BLTP1: variants seen among roughly 807,000 people sequenced by gnomAD.
The protein encoded by BLTP1 is bridge-like lipid transfer protein family member 1, also known as fragile site-associated protein.
At chr4:122,213,448 A>ATTC in the BLTP1 span, among the ~76,000 whole-genome samples, 483 of 152,162 alleles carry the variant, frequency 3.2e-3, 3 homozygotes, top group Non-Finnish European at 4.1e-3. Context: ...ATATATTCAA[A>ATTC]TTCATATATG....
the BLTP1 span, among the ~76,000 whole-genome samples, chr4:122,315,087 G>A: frequency 1.4e-4 from 22 of 152,034 alleles, no homozygotes; most frequent in Non-Finnish European, 2.9e-4. Flanking sequence ...ATTAGAGAAC[G>A]ACCAACCTTT....
the BLTP1 span, among the ~76,000 whole-genome samples, chr4:122,297,670 A>G: frequency 2.7e-3 from 406 of 152,368 alleles, 4 homozygotes; most frequent in Non-Finnish European, 3.4e-3. Context: ...ATGCCCATCA[A>G]TGATAGACTG....
chr4:122,232,885 C>T, the BLTP1 span, among the ~76,000 whole-genome samples: 1 of 152,140 alleles, frequency 6.6e-6, no homozygotes, highest in Non-Finnish European at 1.5e-5. Context: ...TTGCCTCTCC[C>T]CACATGGTAA....
chr4:122,272,665 G>A, the BLTP1 span, among the ~76,000 whole-genome samples: 1 of 151,916 alleles, frequency 6.6e-6, no homozygotes, highest in Non-Finnish European at 1.5e-5. Context: ...TTTATTCTTT[G>A]TCTTTTAATA....
At chr4:122,206,775 G>T in the BLTP1 span, among the ~76,000 whole-genome samples, 3 of 151,816 alleles carry the variant, frequency 2.0e-5, no homozygotes, top group East Asian at 5.8e-4. Context: ...GTCAGTCTGT[G>T]TAGAAAAATA....
the BLTP1 span, among the ~76,000 whole-genome samples, chr4:122,183,663 A>C: frequency 5.3e-5 from 8 of 152,174 alleles, no homozygotes; most frequent in African/African-American, 1.9e-4. Flanking sequence ...TTTCTTTCTT[A>C]ATCAGCAAAA....
the BLTP1 span, among the ~76,000 whole-genome samples, chr4:122,221,594 C>T: frequency 6.6e-6 from 1 of 151,758 alleles, no homozygotes; most frequent in East Asian, 1.9e-4. Context: ...TTCATGTAAC[C>T]ACCAAAATGA....
the BLTP1 span, chr4:122,207,410 T>C: frequency 7.0e-7 from 1 of 1,435,516 alleles, no homozygotes; most frequent in Non-Finnish European, 9.2e-7. Flanking sequence ...GAAGACTGTT[T>C]CAGAGTTTGT....
chr4:122,194,649 A>G, the BLTP1 span: 11 of 969,364 alleles, frequency 1.1e-5, no homozygotes, highest in Non-Finnish European at 1.3e-5. Flanking sequence ...ATGCTTTAAC[A>G]TAGGGCCATG....
At chr4:122,255,247 C>G in the BLTP1 span, 1 of 1,610,854 alleles carries the variant, frequency 6.2e-7, no homozygotes, top group South Asian at 1.1e-5. Context: ...ACTATCTGCA[C>G]CAGGCAAATT....
chr4:122,237,408 C>T, the BLTP1 span: 3 of 951,152 alleles, frequency 3.2e-6, no homozygotes, highest in African/African-American at 1.8e-5. Flanking sequence ...GTATTGAGTG[C>T]CTTCTGTGTA....
the BLTP1 span, chr4:122,199,369 T>C: frequency 1.2e-6 from 2 of 1,612,830 alleles, no homozygotes; most frequent in Admixed American, 1.7e-5. Flanking sequence ...GTTACACTCC[T>C]GCTATTAAGG....
the BLTP1 span, among the ~76,000 whole-genome samples, chr4:122,284,376 C>G: frequency 0.064 from 9,778 of 152,122 alleles, 887 homozygotes; most frequent in African/African-American, 0.2. Flanking sequence ...GATGTCTGCT[C>G]TAGGTTTCTG....
chr4:122,310,302 T>C, the BLTP1 span, among the ~76,000 whole-genome samples: 2 of 152,240 alleles, frequency 1.3e-5, no homozygotes, highest in South Asian at 4.1e-4. Context: ...TTTTAATGTG[T>C]AGGGAAGGAA....
the BLTP1 span, among the ~76,000 whole-genome samples, chr4:122,284,900 AATAAAGGGAGATTAC>A: frequency 5.4e-4 from 83 of 152,322 alleles, no homozygotes; most frequent in African/African-American, 1.9e-3. Context: ...ATCTTCCCCA[AATAAAGGGAGATTAC>A]TGTATATGTG....
At chr4:122,280,680 A>AAAAAAAC in the BLTP1 span, among the ~76,000 whole-genome samples, 1 of 151,614 alleles carries the variant, frequency 6.6e-6, no homozygotes, top group African/African-American at 2.4e-5. Context: ...AAAAAAAAAA[A>AAAAAAAC]AACAACCATG....
At chr4:122,177,586 A>G in the BLTP1 span, among the ~76,000 whole-genome samples, 4 of 152,266 alleles carry the variant, frequency 2.6e-5, no homozygotes, top group South Asian at 4.1e-4. Flanking sequence ...TTATATCCCT[A>G]TAAATATTCT....
chr4:122,349,298 A>G, the BLTP1 span: 1 of 1,612,978 alleles, frequency 6.2e-7, no homozygotes, highest in Non-Finnish European at 8.5e-7. This position sits in a 1 kb window ranked among gnomAD's most constrained non-coding sequence, Gnocchi z 4.5. Flanking sequence ...ATAGATGTCA[A>G]TGCTTTGGAG....
At chr4:122,330,936 G>A in the BLTP1 span, 29 of 953,834 alleles carry the variant, frequency 3.0e-5, no homozygotes, top group Middle Eastern at 5.4e-4. Context: ...CAGTTTTTCC[G>A]GCACCATTTG....
Sources: gnomAD v4.1 joint callset for allele counts (sites outside exome capture counted in the v4.1 genomes callset) on GRCh38, gnomAD v4.1.1 for gene constraint, Gnocchi (gnomAD v3.1) non-coding constraint, MANE v1.5 for transcripts, NCBI Gene and HGNC (gene_info 2026-07-23, HGNC 2026-07-21) for gene names.